ANKRD62: variants seen among roughly 807,000 people sequenced by gnomAD.
ANKRD62 encodes ankyrin repeat domain 62, also known as ankyrin repeat domain-containing protein 62.
ANKRD62 carries 61 observed loss-of-function variants against 98.8 expected under a neutral mutation model. The ratio of observed to expected loss-of-function variants is 0.62; its 90% CI spans 0.50 to 0.76. ANKRD62 has a LOEUF of 0.76. Among genes scored for constraint, ANKRD62 ranks in the 30% least tolerant of loss-of-function variants. The pLI is 0.00. For synonymous variants in ANKRD62, 341 were observed against 367.9 expected (o/e 0.93, Z 0.84); for missense variants, 933 against 1,082.9 (o/e 0.86, Z 1.94).
At chr18:12,162,174 C>T in the ANKRD62 span, among the ~76,000 whole-genome samples, 9 of 152,074 alleles carry the variant, frequency 5.9e-5, no homozygotes, top group Non-Finnish European at 1.3e-4. Flanking sequence ...ATATGCTCAA[C>T]AGCATTTGTT....
At chr18:12,098,110 T>C (rs1188222095) in intron 5 of ANKRD62, among the ~76,000 whole-genome samples, 1 of 152,208 alleles carries the variant, frequency 6.6e-6, no homozygotes, top group African/African-American at 2.4e-5. Context: ...ATCAAAGTTT[T>C]TTCTTCTTTG....
At chr18:12,107,227 A>G (rs1243101750) in intron 7 of ANKRD62, 68 bp from the exon 8 acceptor site, 4 of 1,125,288 alleles carry the variant, frequency 3.6e-6, no homozygotes, top group African/African-American at 1.6e-5. Flanking sequence ...AAATGAATGA[A>G]CACAAAAAAG....
At chr18:12,145,850 T>C in the ANKRD62 span, among the ~76,000 whole-genome samples, 4 of 152,010 alleles carry the variant, frequency 2.6e-5, no homozygotes, top group East Asian at 1.9e-4. Context: ...CTTAAGCATG[T>C]CCTGGATCCC....
intron 8 of ANKRD62, among the ~76,000 whole-genome samples, chr18:12,114,610 T>C (rs901687367): frequency 3.9e-4 from 60 of 152,306 alleles, no homozygotes; most frequent in African/African-American, 3.6e-4. Flanking sequence ...CTTAAATACA[T>C]GTACAGTGTT....
In ANKRD62 at chr18:12,125,888, T is replaced by C. The variant is rs1280720617; in HGVS notation, c.2067T>C (p.Cys689=). Residue 689 remains cysteine, a synonymous_variant, in exon 13 of 14, where the codon TGT becomes TGC. Coordinates refer to ENST00000587848, the MANE Select transcript of ANKRD62 (RefSeq NM_001277333.2). ...TCCAGAGCACAGTGAATGAATGGTG[T>C]CATTTACAAGAAGACACTAATTCTC... ...LAFQSTVNEW[C]HLQEDTNSHI... The C allele has an allele frequency of 2.6e-6, 4 of 1,543,202 alleles. No individual in the cohort carries two copies. In the Admixed American group the frequency reaches 7.8e-5, roughly 30 times the overall value.
chr18:12,164,276 T>C, the ANKRD62 span, among the ~76,000 whole-genome samples: 7 of 152,122 alleles, frequency 4.6e-5, no homozygotes, highest in South Asian at 1.5e-3. Flanking sequence ...ATTTTCCAAG[T>C]TAGCAGCGTA....
the ANKRD62 span, among the ~76,000 whole-genome samples, chr18:12,168,602 T>C: frequency 1.1e-4 from 16 of 152,370 alleles, no homozygotes; most frequent in Admixed American, 9.1e-4. Flanking sequence ...GGCTTAGGAT[T>C]GTCTTGGCAA....
intron 7 of ANKRD62, among the ~76,000 whole-genome samples, chr18:12,104,363 T>C (rs1909369207): frequency 6.6e-6 from 1 of 152,114 alleles, no homozygotes; most frequent in Admixed American, 6.5e-5. Context: ...AAAGACAAAG[T>C]TATCCTTAAA....
At chr18:12,130,248 CAG>C (rs2143939261), downstream of ANKRD62, among the ~76,000 whole-genome samples, 1 of 152,076 alleles carries the variant, frequency 6.6e-6, no homozygotes, top group East Asian at 1.9e-4. Flanking sequence ...TCAAATGTCT[CAG>C]AATTTATATA....
At chr18:12,123,381 A>G (rs1312267249) in intron 11 of ANKRD62, among the ~76,000 whole-genome samples, 14 of 152,170 alleles carry the variant, frequency 9.2e-5, no homozygotes, top group Non-Finnish European at 1.3e-4. Flanking sequence ...GCAGCGAATG[A>G]AAAGTAAAAT....
chr18:12,097,685 C>G lies in ANKRD62; in HGVS notation c.660C>G (p.Val220=). Residue 220 remains valine, a synonymous_variant, in exon 5 of 14, where the codon GTC becomes GTG. Coordinates refer to ENST00000587848, the MANE Select transcript of ANKRD62 (RefSeq NM_001277333.2). ...CTCGTAATGGATCAACAAGTGTAGT[C>G]TACCAGCTTCTTCAGCACAATATTG... ...LAARNGSTSV[V]YQLLQHNIDV... is the part of the protein sequence containing the mutation. 6.5e-7 allele frequency: 1 copy of G among 1,536,050 alleles called. No individual in the cohort carries two copies. The highest frequency in any genetic ancestry group is 1.2e-5 in the South Asian group (1 of 84,018).
chr18:12,095,466 A>G lies in ANKRD62; in HGVS notation c.363A>G (p.Ala121=), dbSNP rs1909160945. The G allele has an allele frequency of 6.3e-7, 1 of 1,576,260 alleles. No individual in the cohort carries two copies. Residue 121 remains alanine (A), a synonymous_variant, in exon 3 of 14, where the codon GCA becomes GCG. Transcript: ENST00000587848. Reference sequence around the variant, plus strand: ...TACAATGTCAAGAAGAAGTTTGTGCATCCATCCTGCTGGAACATGGCGCCA... The same window carrying G: ...TACAATGTCAAGAAGAAGTTTGTGCGTCCATCCTGCTGGAACATGGCGCCA... ...KAVQCQEEVC[A]SILLEHGANP...
intron 6 of ANKRD62, chr18:12,101,976 A>G (rs1414966013): frequency 1.9e-6 from 2 of 1,047,596 alleles, no homozygotes; most frequent in Admixed American, 3.4e-5. Context: ...TCTTCAAAGT[A>G]TTAAGTCAGA....
chr18:12,096,185 C>G lies in ANKRD62; in HGVS notation c.508-11C>G. On this transcript the variant is annotated splice_polypyrimidine_tract_variant and intron_variant, in intron 3 of 13. Transcript: ENST00000587848. Reference sequence around the variant, plus strand: ...TTTTGTGAATTATAAATTGTTTTTGCTGTTTTGCAGGATGGACATACATCA... The same window carrying G: ...TTTTGTGAATTATAAATTGTTTTTGGTGTTTTGCAGGATGGACATACATCA... 8.7e-6 allele frequency: 13 copies of G among 1,487,290 alleles called. No homozygotes were observed. The highest frequency in any genetic ancestry group is 1.3e-5 in the South Asian group (1 of 78,790). 92.1% of individuals were successfully genotyped at this position (1,487,290 alleles called of 1,614,324 possible).
chr18:12,167,939 C>G, the ANKRD62 span, among the ~76,000 whole-genome samples: 5 of 152,122 alleles, frequency 3.3e-5, no homozygotes, highest in Non-Finnish European at 7.4e-5. Flanking sequence ...CTTTTGAGAA[C>G]TATCTATTCA....
At chr18:12,096,172 T>A in intron 3 of ANKRD62, 24 bp from the exon 4 acceptor site, 1 of 1,432,640 alleles carries the variant, frequency 7.0e-7, no homozygotes, top group South Asian at 1.3e-5. Context: ...TTGTGAATTA[T>A]AAATTGTTTT....
chr18:12,124,665 AG>A (rs1909851323), intron 12 of ANKRD62, among the ~76,000 whole-genome samples: 1 of 152,032 alleles, frequency 6.6e-6, no homozygotes, highest in African/African-American at 2.4e-5. Context: ...TTATCATAAT[AG>A]TACATAATCT....
chr18:12,096,948 T>G (rs1399110414), intron 4 of ANKRD62, among the ~76,000 whole-genome samples: 1 of 152,176 alleles, frequency 6.6e-6, no homozygotes, highest in African/African-American at 2.4e-5. Context: ...GGGTGAACTT[T>G]TAATGACTAC....
intron 6 of ANKRD62, among the ~76,000 whole-genome samples, chr18:12,100,354 T>C (rs541355980): frequency 2.6e-5 from 4 of 152,292 alleles, no homozygotes; most frequent in African/African-American, 9.6e-5. Context: ...ATCATAAAGC[T>C]CTTCATCCTC....
Sources: gnomAD v4.1 joint callset for allele counts (sites outside exome capture counted in the v4.1 genomes callset) on GRCh38, gnomAD v4.1.1 for gene constraint, MANE v1.5 for transcripts, NCBI Gene and HGNC (gene_info 2026-07-23, HGNC 2026-07-21) for gene names.